The following ADGRB3 variants were observed in gnomAD, a reference collection of about 807,000 sequenced individuals.
ADGRB3 encodes the protein brain-specific angiogenesis inhibitor 3.
A neutral mutation model predicts 193.4 loss-of-function variants in ADGRB3; 37 were observed. That is an observed-to-expected ratio of 0.19 (90% CI 0.15 to 0.25). The LOEUF (loss-of-function observed/expected upper bound fraction) is 0.25, where lower values mean the gene tolerates loss of function less well. Among genes scored for constraint, ADGRB3 ranks in the 10% least tolerant of loss-of-function variants. ADGRB3 has a pLI of 1.00. For synonymous variants in ADGRB3, 690 were observed against 644.2 expected (o/e 1.07, Z -1.08); for missense variants, 1,637 against 1,852.9 (o/e 0.88, Z 2.14).
At chr6:69,278,002 G>C (rs553203741) in intron 20 of ADGRB3, among the ~76,000 whole-genome samples, 2 of 152,270 alleles carry the variant, frequency 1.3e-5, no homozygotes, top group African/African-American at 4.8e-5. Flanking sequence ...ATAGTGTTCT[G>C]AGCTTGGAAA....
chr6:69,288,532 C>G (rs1444648803), intron 20 of ADGRB3, among the ~76,000 whole-genome samples: 1 of 152,162 alleles, frequency 6.6e-6, no homozygotes, highest in East Asian at 1.9e-4. Flanking sequence ...TTTTTCTGTC[C>G]TTCAAGTTTA....
At chr6:69,187,549 A>C (rs1202872074) in intron 17 of ADGRB3, among the ~76,000 whole-genome samples, 1 of 152,206 alleles carries the variant, frequency 6.6e-6, no homozygotes, top group Non-Finnish European at 1.5e-5. Context: ...ATGTACCATC[A>C]ATAATAATTT....
At chr6:69,244,088 G>A (rs57048515) in intron 20 of ADGRB3, among the ~76,000 whole-genome samples, 1 of 152,050 alleles carries the variant, frequency 6.6e-6, no homozygotes, top group African/African-American at 2.4e-5. Context: ...TATTTAGGAG[G>A]AAATTGTCTC....
At chr6:68,854,688 T>C (rs765636233) in intron 3 of ADGRB3, among the ~76,000 whole-genome samples, 2 of 152,290 alleles carry the variant, frequency 1.3e-5, no homozygotes, top group Non-Finnish European at 2.9e-5. Context: ...TTTACAGATT[T>C]AGTGTCTGAA....
chr6:69,101,027 C>T (rs1337244901), intron 17 of ADGRB3, among the ~76,000 whole-genome samples: 1 of 141,172 alleles, frequency 7.1e-6, no homozygotes, highest in Admixed American at 7.2e-5. Context: ...CATTAATGTG[C>T]AGTTATGATC....
At chr6:68,785,808 T>C (rs1315448591) in intron 3 of ADGRB3, among the ~76,000 whole-genome samples, 1 of 152,166 alleles carries the variant, frequency 6.6e-6, no homozygotes, top group Non-Finnish European at 1.5e-5. Context: ...CTACATCCTC[T>C]CCAGCACCTG....
At chr6:68,808,049 A>T (rs1046717517) in intron 3 of ADGRB3, among the ~76,000 whole-genome samples, 1 of 152,208 alleles carries the variant, frequency 6.6e-6, no homozygotes, top group Non-Finnish European at 1.5e-5. Flanking sequence ...AATTAGTTCA[A>T]TAGGAATATT....
chr6:68,957,325 A>G (rs2150257085), intron 8 of ADGRB3, among the ~76,000 whole-genome samples: 1 of 152,362 alleles, frequency 6.6e-6, no homozygotes, highest in South Asian at 2.1e-4. Flanking sequence ...ATGAAAGGTC[A>G]GAAACTGCCC....
intron 3 of ADGRB3, among the ~76,000 whole-genome samples, chr6:68,812,893 A>G (rs751834635): frequency 7.4e-6 from 1 of 134,764 alleles, no homozygotes; most frequent in Non-Finnish European, 1.5e-5. Flanking sequence ...TCTCATTGTT[A>G]AACTCCCAGT....
intron 3 of ADGRB3, among the ~76,000 whole-genome samples, chr6:68,724,221 T>C (rs1174522043): frequency 6.6e-6 from 1 of 151,678 alleles, no homozygotes; most frequent in African/African-American, 2.4e-5. Context: ...TCCAGGGTCA[T>C]GTAGAGGTCA....
At chr6:69,231,736 C>T (rs540390117) in intron 17 of ADGRB3, among the ~76,000 whole-genome samples, 1 of 152,160 alleles carries the variant, frequency 6.6e-6, no homozygotes, top group African/African-American at 2.4e-5. Context: ...CAAAAATGGC[C>T]AATACTTAGA....
intron 17 of ADGRB3, among the ~76,000 whole-genome samples, chr6:69,204,656 T>C (rs1765498169): frequency 6.6e-6 from 1 of 152,210 alleles, no homozygotes; most frequent in Admixed American, 6.5e-5. Context: ...TTTGCCCTGC[T>C]CAGTTGCTTT....
intron 3 of ADGRB3, among the ~76,000 whole-genome samples, chr6:68,664,535 C>T (rs1235408530): frequency 7.2e-5 from 11 of 151,868 alleles, no homozygotes; most frequent in Non-Finnish European, 1.3e-4. Flanking sequence ...CAGAACCTGA[C>T]TATGCTGACA....
intron 17 of ADGRB3, among the ~76,000 whole-genome samples, chr6:69,079,957 A>G (rs1772340071): frequency 6.6e-6 from 1 of 152,056 alleles, no homozygotes; most frequent in South Asian, 2.1e-4. Context: ...TCTTCATTTC[A>G]AATTGATTTA....
rs1369453294 is a variant in ADGRB3, at chr6:69,016,237, C to T, written c.1998+2131C>T. ...TTATAACCTGCTCTATAGCATTTGACTACACTTGGAGAAATATAATTAAAA... is the reference window on the plus strand; with the variant it reads ...TTATAACCTGCTCTATAGCATTTGATTACACTTGGAGAAATATAATTAAAA... On this transcript the variant is annotated intron_variant, in intron 12 of 31. Transcript: ENST00000370598. Among the ~76,000 whole-genome samples, 5 of 151,994 alleles carry T rather than the reference C, an allele frequency of 3.3e-5. No homozygotes were observed. The East Asian group carries it at 9.7e-4, about 29-fold the overall frequency.
chr6:68,775,787 C>A (rs1392969784), intron 3 of ADGRB3, among the ~76,000 whole-genome samples: 2 of 152,134 alleles, frequency 1.3e-5, no homozygotes, highest in Non-Finnish European at 2.9e-5. Context: ...CTCTTCTCCT[C>A]CTTAATTCAT....
intron 10 of ADGRB3, among the ~76,000 whole-genome samples, chr6:68,991,117 T>C (rs1769225678): frequency 6.6e-6 from 1 of 152,052 alleles, no homozygotes; most frequent in Non-Finnish European, 1.5e-5. Context: ...AGTCAGGTAG[T>C]GTGTTTGTCT....
At chr6:68,858,608 A>G (rs1765058726) in intron 3 of ADGRB3, among the ~76,000 whole-genome samples, 1 of 151,658 alleles carries the variant, frequency 6.6e-6, no homozygotes, top group Non-Finnish European at 1.5e-5. Flanking sequence ...AAAAAAAAAA[A>G]AAACACAGCA....
intron 17 of ADGRB3, among the ~76,000 whole-genome samples, chr6:69,229,936 A>G (rs6901348): frequency 0.14 from 21,853 of 152,130 alleles, 1,624 homozygotes; most frequent in Middle Eastern, 0.16. Flanking sequence ...TGTGTTTTTG[A>G]ATATGTACTT....
Sources: gnomAD v4.1 joint callset for allele counts (sites outside exome capture counted in the v4.1 genomes callset) on GRCh38, gnomAD v4.1.1 for gene constraint, MANE v1.5 for transcripts, NCBI Gene and HGNC (gene_info 2026-07-23, HGNC 2026-07-21) for gene names.